ADARB2: variants seen among roughly 807,000 people sequenced by gnomAD.
The protein encoded by ADARB2 is inactive double-stranded RNA-specific editase B2.
A neutral mutation model predicts 62.2 loss-of-function variants in ADARB2; 25 were observed. The observed-to-expected ratio is 0.40, with a 90% CI of 0.29 to 0.56. The LOEUF (loss-of-function observed/expected upper bound fraction) is 0.56. Among genes scored for constraint, ADARB2 ranks in the 20% least tolerant of loss-of-function variants. The pLI, the probability that ADARB2 is intolerant of heterozygous loss-of-function variation, is 0.43. For missense variants in ADARB2, 1,071 were observed against 1,077.4 expected (o/e 0.99, Z 0.08); for synonymous variants, 572 against 500.8 (o/e 1.14, Z -1.90).
At chr10:1,472,509 G>A (rs1831337577) in intron 1 of ADARB2, among the ~76,000 whole-genome samples, 1 of 152,230 alleles carries the variant, frequency 6.6e-6, no homozygotes, top group African/African-American at 2.4e-5. Flanking sequence ...ACCGGGCCAG[G>A]AGAGTCTTCC....
intron 1 of ADARB2, among the ~76,000 whole-genome samples, chr10:1,662,725 G>A (rs1395095489): frequency 1.3e-5 from 2 of 152,200 alleles, no homozygotes; most frequent in Non-Finnish European, 2.9e-5. Context: ...GGAGGAGTCC[G>A]CAGGCTCCGG....
At chr10:1,374,738 A>G (rs1200792800) in intron 2 of ADARB2, among the ~76,000 whole-genome samples, 1 of 152,154 alleles carries the variant, frequency 6.6e-6, no homozygotes, top group African/African-American at 2.4e-5. Flanking sequence ...TATCATTGGG[A>G]CCGCATGCAT....
chr10:1,435,715 G>A (rs1830828726), intron 1 of ADARB2, among the ~76,000 whole-genome samples: 1 of 152,184 alleles, frequency 6.6e-6, no homozygotes, highest in Non-Finnish European at 1.5e-5. Flanking sequence ...CGTCCAGCTC[G>A]GGTCCTGTCT....
Position 1,514,458 on chromosome 10 carries a change from T to C in ADARB2, c.101-135298A>G, listed in dbSNP as rs1831983258. Among the ~76,000 whole-genome samples, 6 of 152,096 alleles carry C rather than the reference T, an allele frequency of 3.9e-5. No homozygotes were observed. The South Asian group carries it at 1.2e-3, about 32-fold the overall frequency. ...GACCATGTGGTACTGAGTATGTTTTTTGATGCCCATTATCTGGGATGTATT... is the reference window on the plus strand; with the variant it reads ...GACCATGTGGTACTGAGTATGTTTTCTGATGCCCATTATCTGGGATGTATT... On this transcript the variant is annotated intron_variant, in intron 1 of 9. Transcript: ENST00000381312.
intron 1 of ADARB2, among the ~76,000 whole-genome samples, chr10:1,669,940 AC>A (rs1322073348): frequency 1.3e-5 from 2 of 152,130 alleles, no homozygotes; most frequent in African/African-American, 4.8e-5. Flanking sequence ...ACACAAACAC[AC>A]ACAGACACAT....
intron 1 of ADARB2, among the ~76,000 whole-genome samples, chr10:1,671,474 A>T (rs894455334): frequency 7.2e-5 from 11 of 152,162 alleles, no homozygotes; most frequent in Admixed American, 1.3e-4. Context: ...CACCCGTCAC[A>T]CCTGCTTTGC....
intron 1 of ADARB2, among the ~76,000 whole-genome samples, chr10:1,724,121 TAA>T (rs1835132646): frequency 6.6e-6 from 1 of 152,156 alleles, no homozygotes; most frequent in Admixed American, 6.5e-5. Context: ...ATGGGGTCTT[TAA>T]AGAGGTGCGC....
chr10:1,455,204 C>A (rs373813868), intron 1 of ADARB2, among the ~76,000 whole-genome samples: 5 of 152,208 alleles, frequency 3.3e-5, no homozygotes, highest in Admixed American at 6.5e-5. Flanking sequence ...AGAGGAGGAA[C>A]TTTGTTAAGG....
chr10:1,722,179 G>A (rs1424722194), intron 1 of ADARB2, among the ~76,000 whole-genome samples: 1 of 152,156 alleles, frequency 6.6e-6, no homozygotes, highest in South Asian at 2.1e-4. Flanking sequence ...GTTACAACAT[G>A]TTTTCTTGGG....
At chr10:1,712,899 G>A (rs1180481299) in intron 1 of ADARB2, among the ~76,000 whole-genome samples, 2 of 152,018 alleles carry the variant, frequency 1.3e-5, no homozygotes, top group Non-Finnish European at 2.9e-5. Flanking sequence ...GTGAGCCACA[G>A]CACCCGGCCA....
intron 1 of ADARB2, among the ~76,000 whole-genome samples, chr10:1,654,470 C>T (rs1224746807): frequency 2.0e-5 from 3 of 152,150 alleles, no homozygotes; most frequent in Non-Finnish European, 4.4e-5. Flanking sequence ...CTCTGAAATC[C>T]CCTTCCGGCG....
chr10:1,714,567 C>T lies in ADARB2; in HGVS notation c.100+22484G>A, dbSNP rs142396647. On this transcript the variant is annotated intron_variant, in intron 1 of 9. Coordinates refer to ENST00000381312, the MANE Select transcript of ADARB2 (RefSeq NM_018702.4). ...ATTCAGCCTGAAGTGGTAAAAGCTA[C>T]GCCTGGGTCCTAACTCCCTTCTTAT... Among the ~76,000 whole-genome samples, 908 of 152,316 alleles carry T rather than the reference C, an allele frequency of 6.0e-3. 4 individuals carry two copies. The highest frequency in any genetic ancestry group is 9.8e-3 in the Non-Finnish European group (670 of 68,028).
intron 1 of ADARB2, among the ~76,000 whole-genome samples, chr10:1,445,401 A>G (rs1212926801): frequency 6.9e-6 from 1 of 143,994 alleles, no homozygotes; most frequent in Non-Finnish European, 1.5e-5. Flanking sequence ...TTCATCATCC[A>G]TCTACATCCA....
rs752485083 is a variant in ADARB2 at position 1,516,688 on chromosome 10, G to A, written c.101-137528C>T. Reference sequence around the variant, plus strand: ...TTTCCTCGAGCTGCATGCGAATATCGCCCAAAGTGCAGCTCCCCGCGGAGG... The same window carrying A: ...TTTCCTCGAGCTGCATGCGAATATCACCCAAAGTGCAGCTCCCCGCGGAGG... On this transcript the variant is annotated intron_variant, in intron 1 of 9. Coordinates refer to ENST00000381312, the MANE Select transcript of ADARB2 (RefSeq NM_018702.4). Among the ~76,000 whole-genome samples, 3 of 152,196 alleles carry A rather than the reference G, an allele frequency of 2.0e-5. No individual in the cohort carries two copies. In the South Asian group the frequency reaches 6.2e-4, roughly 31 times the overall value.
intron 5 of ADARB2, among the ~76,000 whole-genome samples, chr10:1,235,024 G>C (rs555128482): frequency 6.6e-6 from 1 of 152,266 alleles, no homozygotes; most frequent in African/African-American, 2.4e-5. Context: ...TGGGATTACA[G>C]GCGAGAGCCA....
chr10:1,186,412 T>C (rs994501008), intron 8 of ADARB2: 1 of 494,124 alleles, frequency 2.0e-6, no homozygotes, highest in Non-Finnish European at 4.0e-6. Flanking sequence ...ACAGCAGTGG[T>C]GTTGAGACGC....
At chr10:1,207,964 C>T (rs1480350137) in intron 7 of ADARB2, among the ~76,000 whole-genome samples, 1 of 152,198 alleles carries the variant, frequency 6.6e-6, no homozygotes, top group African/African-American at 2.4e-5. Context: ...GAAAAACAGG[C>T]CGCGTCCACA....
At chr10:1,615,888 C>T (rs1005941155) in intron 1 of ADARB2, among the ~76,000 whole-genome samples, 1 of 152,220 alleles carries the variant, frequency 6.6e-6, no homozygotes, top group African/African-American at 2.4e-5. Flanking sequence ...GCCGAATTCA[C>T]CAGCCTATGA....
chr10:1,615,659 G>A (rs2132023490), intron 1 of ADARB2, among the ~76,000 whole-genome samples: 1 of 152,348 alleles, frequency 6.6e-6, no homozygotes, highest in East Asian at 1.9e-4. Context: ...TGGGTATGCT[G>A]GATTTGGAGA....
Sources: gnomAD v4.1 joint callset for allele counts (sites outside exome capture counted in the v4.1 genomes callset) on GRCh38, gnomAD v4.1.1 for gene constraint, MANE v1.5 for transcripts, NCBI Gene and HGNC (gene_info 2026-07-23, HGNC 2026-07-21) for gene names.